TULP4: variants seen among roughly 807,000 people sequenced by gnomAD.
TULP4 encodes tubby-related protein 4.
TULP4 carries 16 observed loss-of-function variants against 129.0 expected under a neutral mutation model. That is an observed-to-expected ratio of 0.12 (90% CI 0.08 to 0.19). The LOEUF (loss-of-function observed/expected upper bound fraction) is 0.19, where lower values mean the gene tolerates loss of function less well. Ranked by LOEUF, TULP4 falls within the 10% of genes least tolerant of loss-of-function variation. The pLI is 1.00. For missense variants in TULP4, 1,842 were observed against 2,059.1 expected, an observed-to-expected ratio of 0.89 and a Z score of 2.04; for synonymous variants, 998 against 854.0, an observed-to-expected ratio of 1.17 and a Z score of -2.94.
At chr6:158,432,841 T>C (rs1352514511) in intron 3 of TULP4, among the ~76,000 whole-genome samples, 1 of 152,246 alleles carries the variant, frequency 6.6e-6, no homozygotes, top group East Asian at 1.9e-4. Flanking sequence ...ATTTGCACTT[T>C]TTCCTCACCA....
At position 158,274,380 on chromosome 6, in the gene TULP4, G is replaced by A. The variant is rs181454974; in HGVS notation, n.69-37671G>A. ...GTGCTGGCCACCACCAGCTGTACCCGGATCACTGCAGCAGCCTCCTGCCTG... is the reference window on the plus strand; with the variant it reads ...GTGCTGGCCACCACCAGCTGTACCCAGATCACTGCAGCAGCCTCCTGCCTG... On this transcript the variant is annotated intron_variant and non_coding_transcript_variant, in intron 1 of 1. Coordinates refer to the TULP4 transcript ENST00000620026. Among the ~76,000 whole-genome samples the A allele has an allele frequency of 6.7e-4, 102 of 152,268 alleles. 1 individual carries two copies. Among genetic ancestry groups the A allele is most frequent in the African/African-American group, 2.1e-3 (87 of 41,542 alleles).
intron 1 of TULP4, among the ~76,000 whole-genome samples, chr6:158,405,054 G>A (rs868801091): frequency 6.6e-5 from 10 of 152,290 alleles, no homozygotes; most frequent in South Asian, 2.1e-4. Context: ...CAAGGTAATA[G>A]TCATGGCAGT....
upstream of TULP4, among the ~76,000 whole-genome samples, chr6:158,281,039 G>A (rs1020778924): frequency 1.3e-5 from 2 of 152,142 alleles, no homozygotes; most frequent in African/African-American, 4.8e-5. Context: ...GCAAATGACT[G>A]GGGTGAATGG....
chr6:158,509,782 C>T lies in TULP4; in HGVS notation c.*3088C>T, dbSNP rs1488403685. On this transcript the variant is annotated 3_prime_UTR_variant, in exon 14 of 14. Coordinates refer to ENST00000367097, the MANE Select transcript of TULP4 (RefSeq NM_020245.5). ...GGGCCTGAAAAGAGGGGCTGCCCTC[C>T]TGCGCCAAGGCAGACACAAGCTGCG... 1 of 152,240 alleles carries T rather than the reference C, an allele frequency of 6.6e-6. No individual in the cohort carries two copies. The highest frequency in any genetic ancestry group is 1.9e-4 in the East Asian group (1 of 5,192). 9.4% of individuals were successfully genotyped at this position (152,240 alleles called of 1,614,324 possible).
chr6:158,453,756 T>C (rs1342789087), intron 5 of TULP4, among the ~76,000 whole-genome samples: 1 of 143,200 alleles, frequency 7.0e-6, no homozygotes, highest in African/African-American at 2.7e-5. Flanking sequence ...GCCACTGCAC[T>C]CTAGCCTGGA....
intron 1 of TULP4, among the ~76,000 whole-genome samples, chr6:158,306,167 G>A (rs564042693): frequency 4.6e-5 from 7 of 152,146 alleles, no homozygotes; most frequent in Admixed American, 6.5e-5. Context: ...TATTTTTAAA[G>A]TTTGGTTAAA....
At chr6:158,268,713 A>C (rs1012207880) in intron 1 of TULP4, among the ~76,000 whole-genome samples, 2 of 152,098 alleles carry the variant, frequency 1.3e-5, no homozygotes, top group African/African-American at 4.8e-5. Flanking sequence ...AATTGTTCTG[A>C]TTTCATTTGA....
At chr6:158,278,180 A>G (rs262814), upstream of TULP4, among the ~76,000 whole-genome samples, 9,508 of 152,240 alleles carry the variant, frequency 0.062, 354 homozygotes, top group East Asian at 0.093. Context: ...TTTGCATTAG[A>G]TGAAGTATTG....
chr6:158,380,403 C>G (rs928428070), intron 1 of TULP4, among the ~76,000 whole-genome samples: 3 of 152,148 alleles, frequency 2.0e-5, no homozygotes, highest in Non-Finnish European at 4.4e-5. Flanking sequence ...TCAGTTGGTT[C>G]TCTCTCACAA....
intron 1 of TULP4, among the ~76,000 whole-genome samples, chr6:158,258,052 A>G (rs956890823): frequency 1.3e-5 from 2 of 152,210 alleles, no homozygotes; most frequent in Non-Finnish European, 2.9e-5. Context: ...GTAGGTTTCT[A>G]TCTTGCCTCT....
intron 3 of TULP4, among the ~76,000 whole-genome samples, chr6:158,433,483 G>C (rs1268085611): frequency 6.6e-6 from 1 of 152,228 alleles, no homozygotes; most frequent in African/African-American, 2.4e-5. Flanking sequence ...GGGAGGCCGA[G>C]GCAGGTAGAT....
At chr6:158,353,937 C>T (rs1780583013) in intron 1 of TULP4, among the ~76,000 whole-genome samples, 1 of 152,250 alleles carries the variant, frequency 6.6e-6, no homozygotes, top group African/African-American at 2.4e-5. Flanking sequence ...TGAGAAATGT[C>T]TGAGAACAGC....
chr6:158,349,205 C>G (rs1780415314), intron 1 of TULP4, among the ~76,000 whole-genome samples: 3 of 146,686 alleles, frequency 2.0e-5, no homozygotes, highest in South Asian at 2.2e-4. Flanking sequence ...CCTCACCTCT[C>G]AGACGGGGTG....
intron 3 of TULP4, among the ~76,000 whole-genome samples, chr6:158,432,260 T>G (rs1191948167): frequency 1.3e-5 from 2 of 152,026 alleles, no homozygotes; most frequent in African/African-American, 4.8e-5. Flanking sequence ...CTACCACTCA[T>G]TCACATCTCT....
At chr6:158,264,350 A>G (rs1484959124) in intron 1 of TULP4, among the ~76,000 whole-genome samples, 1 of 152,346 alleles carries the variant, frequency 6.6e-6, no homozygotes, top group Non-Finnish European at 1.5e-5. Flanking sequence ...GTGCCATTTG[A>G]GAATTTCGGA....
chr6:158,286,501 A>G (rs1029001398), intron 1 of TULP4, among the ~76,000 whole-genome samples: 1 of 152,194 alleles, frequency 6.6e-6, no homozygotes, highest in Non-Finnish European at 1.5e-5. Flanking sequence ...TTATTCTTGT[A>G]TACATGCTAG....
At chr6:158,278,729 A>T (rs1041552697), upstream of TULP4, among the ~76,000 whole-genome samples, 3 of 151,872 alleles carry the variant, frequency 2.0e-5, no homozygotes, top group Admixed American at 6.6e-5. Context: ...TCTTTATTTG[A>T]TTCTGATATT....
chr6:158,283,983 A>G (rs375490819), intron 1 of TULP4, among the ~76,000 whole-genome samples: 33 of 152,324 alleles, frequency 2.2e-4, no homozygotes, highest in East Asian at 1.5e-3. Flanking sequence ...GGACCCTCCT[A>G]TAAATGAGGC....
intron 6 of TULP4, among the ~76,000 whole-genome samples, chr6:158,471,879 T>C (rs1171658681): frequency 6.6e-6 from 1 of 152,214 alleles, no homozygotes; most frequent in Non-Finnish European, 1.5e-5. Flanking sequence ...GTAGGCTGTG[T>C]CACATTTATA....
Sources: gnomAD v4.1 joint callset for allele counts (sites outside exome capture counted in the v4.1 genomes callset) on GRCh38, gnomAD v4.1.1 for gene constraint, MANE v1.5 for transcripts, NCBI Gene and HGNC (gene_info 2026-07-23, HGNC 2026-07-21) for gene names.